The following STRAP variants were observed in gnomAD, a reference collection of about 807,000 sequenced individuals.
The protein encoded by STRAP is serine-threonine kinase receptor-associated protein.
In STRAP, 16 loss-of-function variants were observed where a neutral mutation model predicts 47.0. The ratio of observed to expected loss-of-function variants is 0.34; its 90% CI spans 0.23 to 0.52. The LOEUF (loss-of-function observed/expected upper bound fraction) is 0.52, where lower values mean the gene tolerates loss of function less well. Ranked by LOEUF, STRAP falls within the 20% of genes least tolerant of loss-of-function variation. The pLI, the probability that STRAP is intolerant of heterozygous loss-of-function variation, is 0.96. For synonymous variants in STRAP, 130 were observed against 142.7 expected, an observed-to-expected ratio of 0.91 and a Z score of 0.63; for missense variants, 293 against 420.0, an observed-to-expected ratio of 0.70 and a Z score of 2.64.
chr12:15,884,824 C>G (rs966695339), intron 2 of STRAP, among the ~76,000 whole-genome samples: 2 of 152,134 alleles, frequency 1.3e-5, no homozygotes, highest in Admixed American at 1.3e-4. Context: ...ACCTAAAGGA[C>G]ACATTTCAAT....
At chr12:15,900,147 A>G in intron 8 of STRAP, 94 bp downstream of exon 8, 2 of 1,293,502 alleles carry the variant, frequency 1.5e-6, no homozygotes, top group Non-Finnish European at 1.1e-6. Flanking sequence ...CCTGTTTTCT[A>G]TAAATTTTAA....
At chr12:15,885,403 G>A (rs887523278) in intron 2 of STRAP, among the ~76,000 whole-genome samples, 5 of 151,550 alleles carry the variant, frequency 3.3e-5, no homozygotes, top group South Asian at 2.1e-4. Flanking sequence ...TGGCCAGGCC[G>A]GTCTCGAACT....
chr12:15,900,604 T>A (rs1472229653), intron 8 of STRAP, among the ~76,000 whole-genome samples: 2 of 152,050 alleles, frequency 1.3e-5, no homozygotes, highest in African/African-American at 2.4e-5. Context: ...CTGGAATAGA[T>A]CTAATTCAAA....
intron 1 of STRAP, 71 bp from the exon 2 acceptor site, chr12:15,883,470 A>G: frequency 1.3e-6 from 2 of 1,499,758 alleles, no homozygotes; most frequent in Non-Finnish European, 9.0e-7. Context: ...ATCATTGTAT[A>G]TTTACATTTG....
intron 9 of STRAP, among the ~76,000 whole-genome samples, chr12:15,901,923 C>T (rs1378670139): frequency 6.8e-6 from 1 of 147,778 alleles, no homozygotes; most frequent in African/African-American, 2.5e-5. Context: ...GGACTGGGAA[C>T]AAGAGTGAAC....
At position 15,900,644 on chromosome 12, in the gene STRAP, C is replaced by T. The variant is rs571552507; in HGVS notation, c.926-303C>T. Among the ~76,000 whole-genome samples the T allele has an allele frequency of 1.8e-3, 267 of 152,112 alleles. 5 individuals carry two copies. Among genetic ancestry groups the T allele is most frequent in the Admixed American group, 0.017 (261 of 15,282 alleles). On this transcript the variant is annotated intron_variant, in intron 8 of 9. Coordinates refer to ENST00000419869, the MANE Select transcript of STRAP (RefSeq NM_007178.4). ...GCTGGAAGGCAATATAAAGAATTTA[C>T]AAGTAAATGTATCTAATCTCTGAAT...
In STRAP at chr12:15,882,774, A is replaced by G. The variant is rs773642778; in HGVS notation, c.67A>G (p.Ser23Gly). 2.7e-5 allele frequency: 44 copies of G among 1,613,726 alleles called. No homozygotes were observed. The highest frequency in any genetic ancestry group is 5.0e-5 in the Admixed American group (3 of 59,982). Residue 23 changes from serine to glycine, a missense_variant, in exon 1 of 10, where the codon AGT (serine) becomes GGT (glycine). Transcript: ENST00000419869. ...GCGACCCGTGGTTGATTTGGCCTTC[A>G]GTGGCATCACGCCTTATGGGTATTT... is the stretch of plus-strand genomic sequence containing the variant. ...HTRPVVDLAF[S>G]GITPYGYFLI...
rs1947943149 is a variant in STRAP, at chr12:15,883,684, T to C, written c.248+8T>C. ...AGCTGCAGATTTCACAGCGTAAGTG[T>C]AGCCAAGATGGCTAACTTTGGTGTT... On this transcript the variant is annotated splice_region_variant and intron_variant, in intron 2 of 9. Coordinates refer to ENST00000419869, the MANE Select transcript of STRAP (RefSeq NM_007178.4). The C allele has an allele frequency of 2.5e-6, 4 of 1,613,220 alleles. No individual in the cohort carries two copies. The South Asian group carries it at 4.4e-5, about 18-fold the overall frequency.
intron 7 of STRAP, 54 bp from the exon 8 acceptor site, chr12:15,899,850 T>A: frequency 6.6e-7 from 1 of 1,516,044 alleles, no homozygotes; most frequent in Non-Finnish European, 9.0e-7. Context: ...TTTTTTAGCA[T>A]ATCAATATTT....
rs1170813614 is a variant in STRAP at position 15,896,162 on chromosome 12, AGGTGGAGGTTG to A, written c.638+667_638+677del. Among the ~76,000 whole-genome samples, 2 of 152,096 alleles carry A rather than the reference AGGTGGAGGTTG, an allele frequency of 1.3e-5. No homozygotes were observed. The highest frequency in any genetic ancestry group is 3.9e-4 in the East Asian group (2 of 5,178). On this transcript the variant is annotated intron_variant, in intron 6 of 9. Coordinates refer to ENST00000419869, the MANE Select transcript of STRAP (RefSeq NM_007178.4). This position sits in a 1 kb window ranked among gnomAD's most constrained non-coding sequence, Gnocchi z 4.1. ...GGCAGGAGAATTGCTTAATCCCAGG[AGGTGGAGGTTG>A]TTTTGAGCTGTGGTCACACCACTGC...
intron 7 of STRAP, among the ~76,000 whole-genome samples, chr12:15,898,469 T>TG (rs963768568): frequency 6.6e-6 from 1 of 152,100 alleles, no homozygotes; most frequent in Non-Finnish European, 1.5e-5. Context: ...GAACAGTGTG[T>TG]GGGGGAAAAA....
chr12:15,895,863 A>T (rs1308041229), intron 6 of STRAP, among the ~76,000 whole-genome samples: 2 of 128,700 alleles, frequency 1.6e-5, no homozygotes, highest in East Asian at 4.2e-4. Flanking sequence ...ACCTCCTCTG[A>T]AAAAAAAAAA....
intron 2 of STRAP, among the ~76,000 whole-genome samples, chr12:15,884,622 G>T (rs1947953789): frequency 6.6e-6 from 1 of 151,508 alleles, no homozygotes; most frequent in Non-Finnish European, 1.5e-5. Context: ...TGTTGTCCAG[G>T]CTGTCTTAAA....
Position 15,890,453 on chromosome 12 carries a change from A to T in STRAP, c.331-144A>T. ...TATGAGAGGTCAGCTGTTCCACAGT[A>T]TCTTCTCAGAAGTAATTGGTTATGT... On this transcript the variant is annotated intron_variant, in intron 3 of 9. Transcript: ENST00000419869. The surrounding 1 kb of genome is among the most constrained non-coding windows in gnomAD (Gnocchi z 4.5). 1 of 705,414 alleles carries T rather than the reference A, an allele frequency of 1.4e-6. No homozygotes were observed. Among genetic ancestry groups the T allele is most frequent in the Non-Finnish European group, 2.5e-6 (1 of 406,928 alleles). 43.7% of individuals were successfully genotyped at this position (705,414 alleles called of 1,614,324 possible).
At chr12:15,901,420 C>T (rs1444580165) in intron 9 of STRAP, among the ~76,000 whole-genome samples, 1 of 152,022 alleles carries the variant, frequency 6.6e-6, no homozygotes, top group Non-Finnish European at 1.5e-5. Context: ...TGGAAAAGTT[C>T]ATAGCAGGAA....
Position 15,889,020 on chromosome 12 carries a change from A to G in STRAP, c.249-908A>G, listed in dbSNP as rs977450302. 2.0e-5 allele frequency among the ~76,000 whole-genome samples: 3 copies of G among 152,252 alleles called. No individual in the cohort carries two copies. The East Asian group carries it at 5.8e-4, about 29-fold the overall frequency. ...CAGTTGCATTAAAATGGAAATCTCT[A>G]TGGAACATAGCTTTTTCACTCTTAG... On this transcript the variant is annotated intron_variant, in intron 2 of 9. Transcript: ENST00000419869.
intron 7 of STRAP, 192 bp downstream of exon 7, chr12:15,898,210 T>A (rs1948075783): frequency 5.8e-6 from 2 of 345,234 alleles, no homozygotes; most frequent in Non-Finnish European, 1.0e-5. Flanking sequence ...CTTTTATAGA[T>A]CTGTAAACAA....
rs1264190008 is a variant in STRAP, at chr12:15,890,985, G to A, written c.403+316G>A. ...TGAGGCAGGAGAATCGCTTGAACCC[G>A]GGAGGTGGAGGTTGCAGTGAGCCGA... On this transcript the variant is annotated intron_variant, in intron 4 of 9. Transcript: ENST00000419869. This position sits in a 1 kb window ranked among gnomAD's most constrained non-coding sequence, Gnocchi z 4.5. Among the ~76,000 whole-genome samples the A allele has an allele frequency of 5.3e-5, 8 of 151,886 alleles. No individual in the cohort carries two copies. Among genetic ancestry groups the A allele is most frequent in the Non-Finnish European group, 8.8e-5 (6 of 67,968 alleles).
Position 15,882,598 on chromosome 12 carries a change from C to G in STRAP, c.-110C>G, listed in dbSNP as rs756047111. On this transcript the variant is annotated 5_prime_UTR_variant, in exon 1 of 10. Coordinates refer to ENST00000419869, the MANE Select transcript of STRAP (RefSeq NM_007178.4). ...CTTCTTTTCCTGTTGCCCAGCCCAG[C>G]CCTAGTGTCAGGGCGGGGGCCTGGA... The G allele has an allele frequency of 7.4e-5, 67 of 901,754 alleles. No individual in the cohort carries two copies. Among genetic ancestry groups the G allele is most frequent in the Non-Finnish European group, 1.1e-4 (66 of 579,106 alleles). The allele number at this position is 901,754 out of a possible 1,614,324, so 55.9% of individuals were successfully genotyped here. A position where few individuals can be genotyped will look rare whatever the true frequency, so the allele number is the denominator to read the frequency against.
Sources: gnomAD v4.1 joint callset for allele counts (sites outside exome capture counted in the v4.1 genomes callset) on GRCh38, gnomAD v4.1.1 for gene constraint, Gnocchi (gnomAD v3.1) non-coding constraint, MANE v1.5 for transcripts, NCBI Gene and HGNC (gene_info 2026-07-23, HGNC 2026-07-21) for gene names.